Variants in ELP4 observed in about 807,000 individuals in gnomAD.
The protein encoded by ELP4 is elongator complex protein 4.
In ELP4, 51 loss-of-function variants were observed where a neutral mutation model predicts 48.9. The observed-to-expected ratio is 1.04, with a 90% CI of 0.83 to 1.32. The LOEUF is 1.32. Among genes scored for constraint, ELP4 ranks in the 40% most tolerant of loss-of-function variants. The pLI is 0.00. For missense variants in ELP4, 519 were observed against 514.6 expected (o/e 1.01, Z -0.08); for synonymous variants, 210 against 189.2 (o/e 1.11, Z -0.90).
At chr11:31,575,479 A>G (rs889440347) in intron 3 of ELP4, among the ~76,000 whole-genome samples, 3 of 152,164 alleles carry the variant, frequency 2.0e-5, no homozygotes, top group African/African-American at 7.2e-5. Context: ...ACTCCAAGAC[A>G]CATAATTGTC....
chr11:31,773,672 C>T (rs959107299), intron 9 of ELP4, among the ~76,000 whole-genome samples: 44 of 152,230 alleles, frequency 2.9e-4, no homozygotes, highest in African/African-American at 1.1e-3. Flanking sequence ...GTCTCCACAA[C>T]TGTGCTTGCC....
chr11:31,591,479 G>A (rs1957574785), intron 3 of ELP4, among the ~76,000 whole-genome samples: 1 of 149,710 alleles, frequency 6.7e-6, no homozygotes, highest in Admixed American at 6.7e-5. Context: ...AAATACAGAT[G>A]GCCAACCCAG....
intron 5 of ELP4, among the ~76,000 whole-genome samples, chr11:31,623,730 CT>C (rs1301856705): frequency 1.3e-5 from 2 of 150,630 alleles, no homozygotes; most frequent in African/African-American, 2.4e-5. Flanking sequence ...AAGAACCCCC[CT>C]ATTCTGTGCA....
chr11:31,613,065 T>G (rs1958011608), intron 5 of ELP4, among the ~76,000 whole-genome samples: 1 of 152,120 alleles, frequency 6.6e-6, no homozygotes, highest in South Asian at 2.1e-4. Flanking sequence ...CACTGTGGCT[T>G]TTATTAGGGT....
intron 9 of ELP4, among the ~76,000 whole-genome samples, chr11:31,678,793 A>G (rs771540858): frequency 2.6e-5 from 4 of 152,146 alleles, no homozygotes; most frequent in Admixed American, 6.5e-5. Context: ...TAACTGATAG[A>G]TTGTATAAGA....
intron 9 of ELP4, among the ~76,000 whole-genome samples, chr11:31,739,382 G>C (rs1565134354): frequency 6.6e-6 from 1 of 152,110 alleles, no homozygotes; most frequent in Non-Finnish European, 1.5e-5. Flanking sequence ...ATGTTGTATA[G>C]CACTTTTTAT....
chr11:31,700,127 A>G (rs758455126), intron 9 of ELP4, among the ~76,000 whole-genome samples: 15 of 152,112 alleles, frequency 9.9e-5, no homozygotes, highest in Non-Finnish European at 1.6e-4. Context: ...TGGAGTATTT[A>G]GGGTTGATAG....
rs374081058 is a variant in ELP4 at position 31,638,222 on chromosome 11, T to C, written c.927+5817T>C. The stretch of plus-strand genomic sequence containing the variant: ...AAGAATGAAAACTCCTTTGACATTC[T>C]GGATCATAGAATATGTCAGTATGTT... On this transcript the variant is annotated intron_variant, in intron 7 of 9. Transcript: ENST00000640961. 4.6e-5 allele frequency among the ~76,000 whole-genome samples: 7 copies of C among 152,024 alleles called. No individual in the cohort carries two copies. The East Asian group carries it at 7.8e-4, about 17-fold the overall frequency.
intron 9 of ELP4, among the ~76,000 whole-genome samples, chr11:31,711,448 C>A (rs930490529): frequency 6.6e-6 from 1 of 152,064 alleles, no homozygotes; most frequent in Non-Finnish European, 1.5e-5. Context: ...AGTAGAAATA[C>A]AAGAAAAAGC....
chr11:31,679,133 A>AT (rs1366921457), intron 9 of ELP4, among the ~76,000 whole-genome samples: 1 of 152,046 alleles, frequency 6.6e-6, no homozygotes, highest in African/African-American at 2.4e-5. Flanking sequence ...TTATTGTTGA[A>AT]TTTTAGAAGT....
At chr11:31,693,908 G>C (rs1441090543) in intron 9 of ELP4, among the ~76,000 whole-genome samples, 1 of 152,154 alleles carries the variant, frequency 6.6e-6, no homozygotes, top group East Asian at 1.9e-4. Flanking sequence ...TTCTTTGATG[G>C]TCAGTGATGA....
intron 1 of ELP4, among the ~76,000 whole-genome samples, chr11:31,515,031 G>A (rs572531652): frequency 5.5e-3 from 639 of 115,376 alleles, no homozygotes; most frequent in African/African-American, 0.011. Context: ...GTGTGTGTGT[G>A]TGTATATATA....
At chr11:31,591,493 A>T (rs1957575222) in intron 3 of ELP4, among the ~76,000 whole-genome samples, 1 of 151,930 alleles carries the variant, frequency 6.6e-6, no homozygotes, top group Admixed American at 6.6e-5. Context: ...AACCCAGCAC[A>T]TGAAGTTATG....
chr11:31,718,530 A>G (rs184244580), intron 9 of ELP4, among the ~76,000 whole-genome samples: 63 of 152,340 alleles, frequency 4.1e-4, no homozygotes, highest in Admixed American at 9.8e-4. Flanking sequence ...CATGGTACCT[A>G]GGTACTCAGT....
intron 5 of ELP4, among the ~76,000 whole-genome samples, chr11:31,622,811 A>T (rs1207674028): frequency 2.6e-5 from 4 of 151,640 alleles, no homozygotes; most frequent in Non-Finnish European, 5.9e-5. Flanking sequence ...ATCCATGTTT[A>T]TATATTAGTA....
intron 3 of ELP4, among the ~76,000 whole-genome samples, chr11:31,563,469 G>A (rs568074639): frequency 6.6e-6 from 1 of 152,004 alleles, no homozygotes; most frequent in Non-Finnish European, 1.5e-5. Context: ...GGAATGAAAC[G>A]GGCCGAAATA....
chr11:31,526,363 G>A (rs1001167815), intron 2 of ELP4, among the ~76,000 whole-genome samples: 7 of 151,852 alleles, frequency 4.6e-5, no homozygotes, highest in Non-Finnish European at 7.4e-5. Context: ...TTATTTATTG[G>A]AGACTATCCT....
chr11:31,591,741 G>A lies in ELP4; in HGVS notation c.382-3029G>A, dbSNP rs538779531. 2.0e-5 allele frequency among the ~76,000 whole-genome samples: 3 copies of A among 152,222 alleles called. No individual in the cohort carries two copies. The South Asian group carries it at 6.2e-4, about 32-fold the overall frequency. On this transcript the variant is annotated intron_variant, in intron 3 of 9. Transcript: ENST00000640961. ...AAAATGGAATTATCCTGTGACTCGG[G>A]AATTCCACATCTAGGTATATACCAA...
intron 3 of ELP4, among the ~76,000 whole-genome samples, chr11:31,592,471 G>GGT (rs371579868): frequency 2.7e-3 from 400 of 150,522 alleles, no homozygotes; most frequent in Non-Finnish European, 3.3e-3. Context: ...GAGCCCAGGA[G>GGT]GTGTGTGTGT....
Sources: gnomAD v4.1 joint callset for allele counts (sites outside exome capture counted in the v4.1 genomes callset) on GRCh38, gnomAD v4.1.1 for gene constraint, MANE v1.5 for transcripts, NCBI Gene and HGNC (gene_info 2026-07-23, HGNC 2026-07-21) for gene names.